The following KCNA2 variants were observed in gnomAD, a reference collection of about 807,000 sequenced individuals.
The protein encoded by KCNA2 is potassium channel, voltage gated shaker related subfamily A, member 2.
A neutral mutation model predicts 33.4 loss-of-function variants in KCNA2; 11 were observed. That is an observed-to-expected ratio of 0.33 (90% confidence interval 0.21 to 0.55). The LOEUF is 0.55. KCNA2 is among the 20% of genes least tolerant of loss of function. The pLI is 0.93. For synonymous variants in KCNA2, 222 were observed against 231.3 expected (o/e 0.96, Z 0.37); for missense variants, 291 against 621.6 (o/e 0.47, Z 5.66).
In KCNA2 at chr1:110,595,193, C is replaced by T; in HGVS notation, c.*8090G>A. On this transcript the variant is annotated 3_prime_UTR_variant, in exon 3 of 3. Coordinates refer to ENST00000316361, the MANE Select transcript of KCNA2 (RefSeq NM_004974.4). ...GTTGCAGTAGCTGTCCACATTATTA[C>T]ATAATCATGCCCTGTGCATCCATCA... 1 of 985,416 alleles carries T rather than the reference C, an allele frequency of 1.0e-6. No individual in the cohort carries two copies. Among genetic ancestry groups the T allele is most frequent in the Non-Finnish European group, 1.2e-6 (1 of 829,934 alleles). The allele number at this position is 985,416 out of a possible 1,614,324, so 61.0% of individuals were successfully genotyped here. A position where few individuals can be genotyped will look rare whatever the true frequency, so the allele number is the denominator to read the frequency against.
At chr1:110,627,993 C>T (rs1319841100) in intron 1 of KCNA2, among the ~76,000 whole-genome samples, 3 of 152,164 alleles carry the variant, frequency 2.0e-5, no homozygotes, top group African/African-American at 7.2e-5. Flanking sequence ...AGAGGGACTA[C>T]TCTTGGGCAA....
At chr1:110,615,649 C>T (rs765836669) in intron 1 of KCNA2, among the ~76,000 whole-genome samples, 9 of 152,300 alleles carry the variant, frequency 5.9e-5, no homozygotes, top group Non-Finnish European at 1.3e-4. Flanking sequence ...GTGCTTCGAT[C>T]GACCCAAGTC....
chr1:110,607,008 A>G (rs539546913), upstream of KCNA2, among the ~76,000 whole-genome samples: 1 of 149,948 alleles, frequency 6.7e-6, no homozygotes, highest in South Asian at 2.1e-4. Flanking sequence ...CGCCACGCAA[A>G]CCCCAGAGGG....
At position 110,602,211 on chromosome 1, in the gene KCNA2, AG is replaced by A; in HGVS notation, c.*1071del. The stretch of plus-strand genomic sequence containing the variant: ...GGGATAGGTAGGCTGGGGGGCCAGA[AG>A]TTTTAGTTCCATTCCAAATAGTCTA... On this transcript the variant is annotated 3_prime_UTR_variant, in exon 3 of 3. Transcript: ENST00000316361. 1 of 1,548,642 alleles carries A rather than the reference AG, an allele frequency of 6.5e-7. No individual in the cohort carries two copies. The highest frequency in any genetic ancestry group is 1.2e-5 in the South Asian group (1 of 83,884).
In KCNA2 at chr1:110,604,525, A is replaced by T; in HGVS notation, c.258T>A (p.Asp86Glu). The change falls in exon 3 of 3, where the codon GAT becomes GAA. Residue 86 changes from aspartate (D) to glutamate (E), a missense_variant. Around this residue, in one of 5 missense-constraint regions of KCNA2, gnomAD observed 163 missense variants for 273.5 expected, o/e 0.60. Coordinates refer to ENST00000316361, the MANE Select transcript of KCNA2 (RefSeq NM_004974.4). The surrounding 1 kb of genome is among the most constrained non-coding windows in gnomAD (Gnocchi z 7.6). Reference protein sequence around the residue: ...YFFDRNRPSFDAILYYYQSGG... With the variant: ...YFFDRNRPSFEAILYYYQSGG... ...CTGACTGGTAGTAGTACAAAATGGC[A>T]TCAAAGCTAGGGCGGTTCCGATCGA... is the stretch of plus-strand genomic sequence containing the variant. 1 of 1,614,256 alleles carries T rather than the reference A, an allele frequency of 6.2e-7. No individual in the cohort carries two copies. Among genetic ancestry groups the T allele is most frequent in the Non-Finnish European group, 8.5e-7 (1 of 1,180,040 alleles).
Position 110,603,625 on chromosome 1 carries a change from C to T in KCNA2, c.1158G>A (p.Gly386=), listed in dbSNP as rs1480980911. The T allele has an allele frequency of 3.1e-6, 5 of 1,614,142 alleles. No homozygotes were observed. Among genetic ancestry groups the T allele is most frequent in the Non-Finnish European group, 3.4e-6 (4 of 1,180,032 alleles). The change falls in exon 3 of 3, where the codon GGG becomes GGA. Residue 386 remains glycine, a synonymous_variant. Coordinates refer to ENST00000316361, the MANE Select transcript of KCNA2 (RefSeq NM_004974.4). This position sits in a 1 kb window ranked among gnomAD's most constrained non-coding sequence, Gnocchi z 5.7. ...GYGDMVPTTI[G]GKIVGSLCAI... ...CACATAGGGAACCCACTATCTTTCCCCCAATGGTAGTCGGAACCATGTCTC... is the reference window on the plus strand; with the variant it reads ...CACATAGGGAACCCACTATCTTTCCTCCAATGGTAGTCGGAACCATGTCTC...
rs1012391690 is a variant in KCNA2, at chr1:110,593,656, T to C, written c.*9627A>G. The C allele has an allele frequency of 1.8e-5, 7 of 381,280 alleles. No individual in the cohort carries two copies. Among genetic ancestry groups the C allele is most frequent in the Non-Finnish European group, 2.8e-5 (6 of 216,682 alleles). The allele number at this position is 381,280 out of a possible 1,614,324, so 23.6% of individuals were successfully genotyped here. A position where few individuals can be genotyped will look rare whatever the true frequency, so the allele number is the denominator to read the frequency against. On this transcript the variant is annotated 3_prime_UTR_variant, in exon 3 of 3. Coordinates refer to ENST00000316361, the MANE Select transcript of KCNA2 (RefSeq NM_004974.4). Reference sequence around the variant, plus strand: ...AAATCCCCAGTAATATATATTTATATACTTATTTACTTGTGTCAATATTTA... The same window carrying C: ...AAATCCCCAGTAATATATATTTATACACTTATTTACTTGTGTCAATATTTA...
chr1:110,594,549 C>A lies in KCNA2; in HGVS notation c.*8734G>T. 1.5e-5 allele frequency: 15 copies of A among 985,310 alleles called. No homozygotes were observed. The highest frequency in any genetic ancestry group is 1.8e-5 in the Non-Finnish European group (15 of 829,902). 61.0% of individuals were successfully genotyped at this position (985,310 alleles called of 1,614,324 possible). A position where few individuals can be genotyped will look rare whatever the true frequency, so the allele number is the denominator to read the frequency against. ...TAGTGGAGAGAGGGGTGCAGGGATG[C>A]AGAAAACCAGGAAGAGGCCAATTTG... is the stretch of plus-strand genomic sequence containing the variant. On this transcript the variant is annotated 3_prime_UTR_variant, in exon 3 of 3. Transcript: ENST00000316361.
In KCNA2 at chr1:110,595,255, T is replaced by C. The variant is rs1488093926; in HGVS notation, c.*8028A>G. 1.0e-6 allele frequency: 1 copy of C among 985,334 alleles called. No individual in the cohort carries two copies. The highest frequency in any genetic ancestry group is 1.7e-5 in the African/African-American group (1 of 57,244). The allele number at this position is 985,334 out of a possible 1,614,324, so 61.0% of individuals were successfully genotyped here. A position where few individuals can be genotyped will look rare whatever the true frequency, so the allele number is the denominator to read the frequency against. ...CAGGGAGTTCTCAGCTGCAAACTCA[T>C]CTGGAACATATTAGACTATTTTAGG... On this transcript the variant is annotated 3_prime_UTR_variant, in exon 3 of 3. Transcript: ENST00000316361.
intron 1 of KCNA2, among the ~76,000 whole-genome samples, chr1:110,616,307 C>A (rs999922240): frequency 5.9e-5 from 9 of 152,124 alleles, no homozygotes; most frequent in Admixed American, 2.6e-4. Flanking sequence ...ACCCCCACCA[C>A]CCAGGTTCAT....
At chr1:110,621,244 T>C (rs1255513384) in intron 1 of KCNA2, among the ~76,000 whole-genome samples, 2 of 152,250 alleles carry the variant, frequency 1.3e-5, no homozygotes, top group Non-Finnish European at 2.9e-5. Context: ...ATTAGTGTGC[T>C]AATTTTAACC....
intron 1 of KCNA2, among the ~76,000 whole-genome samples, chr1:110,626,509 C>A (rs755346693): frequency 6.6e-6 from 1 of 150,656 alleles, no homozygotes; most frequent in African/African-American, 2.4e-5. Flanking sequence ...GTGGACAGGG[C>A]GGAGTGAGAA....
Position 110,594,863 on chromosome 1 carries a change from T to C in KCNA2, c.*8420A>G. 2 of 985,426 alleles carry C rather than the reference T, an allele frequency of 2.0e-6. No individual in the cohort carries two copies. Among genetic ancestry groups the C allele is most frequent in the Non-Finnish European group, 2.4e-6 (2 of 829,936 alleles). The allele number at this position is 985,426 out of a possible 1,614,324, so 61.0% of individuals were successfully genotyped here. ...GCCCCACCTGGCAGGTCAAAGTCCTTGCCCTACACTTCATAGGCTAAAAAG... is the reference window on the plus strand; with the variant it reads ...GCCCCACCTGGCAGGTCAAAGTCCTCGCCCTACACTTCATAGGCTAAAAAG... On this transcript the variant is annotated 3_prime_UTR_variant, in exon 3 of 3. Transcript: ENST00000316361.
chr1:110,601,906 G>T lies in KCNA2; in HGVS notation c.*1377C>A. ...CAAACACATGCATAAATTGCCCTTT[G>T]TCAAAAATATTGCATAAGCTTGTAC... is the stretch of plus-strand genomic sequence containing the variant. On this transcript the variant is annotated 3_prime_UTR_variant, in exon 3 of 3. Transcript: ENST00000316361. The T allele has an allele frequency of 6.9e-7, 1 of 1,458,992 alleles. No individual in the cohort carries two copies. The highest frequency in any genetic ancestry group is 9.0e-7 in the Non-Finnish European group (1 of 1,108,772). The allele number at this position is 1,458,992 out of a possible 1,614,324, so 90.4% of individuals were successfully genotyped here.
Position 110,599,488 on chromosome 1 carries a change from C to T in KCNA2, c.*3795G>A. ...AACAAGAGGAAAAGGAAGAGCGTGC[C>T]CGGGATTGAACACACCCAGAGGGGA... On this transcript the variant is annotated 3_prime_UTR_variant, in exon 3 of 3. Transcript: ENST00000316361. 1 of 985,086 alleles carries T rather than the reference C, an allele frequency of 1.0e-6. No homozygotes were observed. The highest frequency in any genetic ancestry group is 1.2e-6 in the Non-Finnish European group (1 of 829,882). The allele number at this position is 985,086 out of a possible 1,614,324, so 61.0% of individuals were successfully genotyped here. A position where few individuals can be genotyped will look rare whatever the true frequency, so the allele number is the denominator to read the frequency against.
intron 1 of KCNA2, among the ~76,000 whole-genome samples, chr1:110,627,266 A>T (rs1025096392): frequency 2.0e-5 from 3 of 152,232 alleles, no homozygotes; most frequent in Admixed American, 6.5e-5. Flanking sequence ...GGGAATAATT[A>T]AAATGTTTAT....
intron 1 of KCNA2, among the ~76,000 whole-genome samples, chr1:110,628,069 C>T (rs1650448616): frequency 6.6e-6 from 1 of 152,176 alleles, no homozygotes; most frequent in African/African-American, 2.4e-5. Context: ...TGTTAACTCC[C>T]AAGTTAGTCT....
At chr1:110,629,678 G>T (rs1420567250) in intron 1 of KCNA2, among the ~76,000 whole-genome samples, 1 of 152,222 alleles carries the variant, frequency 6.6e-6, no homozygotes, top group Admixed American at 6.5e-5. Context: ...AGCATCTGGT[G>T]TCTGACCCTC....
In KCNA2 at chr1:110,603,231, T is replaced by C. The variant is rs1456021508; in HGVS notation, c.*52A>G. 3.2e-6 allele frequency: 5 copies of C among 1,551,656 alleles called. No individual in the cohort carries two copies. In the Admixed American group the frequency reaches 7.6e-5, roughly 24 times the overall value. ...ACACTGACTACAATGCAGGCTATTATGCAACATCTGCATTAGTTCCATTGA... is the reference window on the plus strand; with the variant it reads ...ACACTGACTACAATGCAGGCTATTACGCAACATCTGCATTAGTTCCATTGA... On this transcript the variant is annotated 3_prime_UTR_variant, in exon 3 of 3. Transcript: ENST00000316361. The surrounding 1 kb of genome is among the most constrained non-coding windows in gnomAD (Gnocchi z 5.7).
Sources: gnomAD v4.1 joint callset for allele counts (sites outside exome capture counted in the v4.1 genomes callset) on GRCh38, gnomAD v4.1.1 for gene constraint, gnomAD v4.1.1 regional missense constraint, Gnocchi (gnomAD v3.1) non-coding constraint, MANE v1.5 for transcripts, NCBI Gene and HGNC (gene_info 2026-07-23, HGNC 2026-07-21) for gene names.